Variants in GPC6 observed in about 807,000 individuals in gnomAD.
GPC6 encodes the protein glypican-6.
GPC6 carries 14 observed loss-of-function variants against 55.2 expected under a neutral mutation model. That is an observed-to-expected ratio of 0.25 (90% CI 0.17 to 0.40). GPC6 has a LOEUF of 0.40. Among genes scored for constraint, GPC6 ranks in the 10% least tolerant of loss-of-function variants. GPC6 has a pLI of 1.00. For missense variants in GPC6, 641 were observed against 708.5 expected (o/e 0.90, Z 1.08); for synonymous variants, 278 against 259.6 (o/e 1.07, Z -0.68).
intron 2 of GPC6, among the ~76,000 whole-genome samples, chr13:93,781,539 C>T (rs1387501416): frequency 6.6e-6 from 1 of 152,004 alleles, no homozygotes; most frequent in Admixed American, 6.6e-5. Context: ...CCTAAAAATT[C>T]CCTGTCAGAA....
intron 6 of GPC6, among the ~76,000 whole-genome samples, chr13:94,310,397 T>A (rs1379307162): frequency 6.6e-6 from 1 of 152,254 alleles, no homozygotes; most frequent in Admixed American, 6.5e-5. Flanking sequence ...AATATCCTAC[T>A]GGTCATTCTG....
At chr13:93,446,552 A>G (rs1329462953) in intron 1 of GPC6, among the ~76,000 whole-genome samples, 1 of 152,216 alleles carries the variant, frequency 6.6e-6, no homozygotes, top group African/African-American at 2.4e-5. Flanking sequence ...ATGAAAAAGC[A>G]GCAGAAGTGG....
chr13:93,774,771 A>C (rs1885413128), intron 2 of GPC6, among the ~76,000 whole-genome samples: 1 of 152,194 alleles, frequency 6.6e-6, no homozygotes, highest in African/African-American at 2.4e-5. Context: ...AGACAGGGAA[A>C]GTATCTTCTG....
rs534919242 is a variant in GPC6, at chr13:93,867,542, T to C, written c.711+36997T>C. Among the ~76,000 whole-genome samples, 189 of 151,874 alleles carry C rather than the reference T, an allele frequency of 1.2e-3. 1 individual carries two copies. The highest frequency in any genetic ancestry group is 2.5e-3 in the Non-Finnish European group (170 of 67,816). ...AGCCCTCAGAACCATGTGTGTCCTG[T>C]AATAAGCTCTCAAGAAAGGCTAGTC... is the stretch of plus-strand genomic sequence containing the variant. On this transcript the variant is annotated intron_variant, in intron 3 of 8. Transcript: ENST00000377047.
intron 2 of GPC6, among the ~76,000 whole-genome samples, chr13:93,638,158 G>A (rs1879773020): frequency 6.6e-6 from 1 of 152,054 alleles, no homozygotes; most frequent in Non-Finnish European, 1.5e-5. Flanking sequence ...TTATGAGAAT[G>A]TTCTTATCAC....
intron 3 of GPC6, among the ~76,000 whole-genome samples, chr13:93,856,942 T>A (rs1249075374): frequency 6.6e-6 from 1 of 151,614 alleles, no homozygotes; most frequent in Non-Finnish European, 1.5e-5. Flanking sequence ...AAAATAGCAG[T>A]AACTACCTTT....
intron 6 of GPC6, among the ~76,000 whole-genome samples, chr13:94,377,774 T>G (rs1879955367): frequency 6.6e-6 from 1 of 152,194 alleles, no homozygotes; most frequent in South Asian, 2.1e-4. Flanking sequence ...TTATTCACAA[T>G]AGCAAAGACT....
chr13:93,738,446 G>A (rs928416694), intron 2 of GPC6, among the ~76,000 whole-genome samples: 1 of 152,016 alleles, frequency 6.6e-6, no homozygotes, highest in Non-Finnish European at 1.5e-5. Flanking sequence ...GTTTCCCATA[G>A]CTTCTAAGCC....
chr13:94,290,358 C>G (rs1378074174), intron 5 of GPC6, among the ~76,000 whole-genome samples: 1 of 146,542 alleles, frequency 6.8e-6, no homozygotes, highest in African/African-American at 2.5e-5. Flanking sequence ...GAGGTCGAGG[C>G]TACAGTGAGC....
At chr13:93,443,943 A>G (rs1436717840) in intron 1 of GPC6, among the ~76,000 whole-genome samples, 1 of 152,220 alleles carries the variant, frequency 6.6e-6, no homozygotes, top group Non-Finnish European at 1.5e-5. Context: ...AATAGAAATC[A>G]TTTAGAATAG....
At chr13:94,003,244 G>A (rs1881882898) in intron 3 of GPC6, among the ~76,000 whole-genome samples, 1 of 152,192 alleles carries the variant, frequency 6.6e-6, no homozygotes, top group Admixed American at 6.5e-5. Context: ...GTGTATTTAA[G>A]CAGAAACTTA....
At chr13:94,281,829 C>A (rs1252853419) in intron 4 of GPC6, among the ~76,000 whole-genome samples, 2 of 152,192 alleles carry the variant, frequency 1.3e-5, no homozygotes, top group African/African-American at 4.8e-5. Context: ...TCACCTGAAG[C>A]TAGCTGGTGT....
At chr13:93,222,194 G>A (rs750417925), upstream of GPC6, among the ~76,000 whole-genome samples, 19 of 152,058 alleles carry the variant, frequency 1.2e-4, no homozygotes, top group African/African-American at 2.4e-4. Context: ...TATGTTAAAC[G>A]TGTGACATAT....
intron 1 of GPC6, among the ~76,000 whole-genome samples, chr13:93,420,768 A>G (rs1876893352): frequency 6.6e-6 from 1 of 152,152 alleles, no homozygotes; most frequent in Non-Finnish European, 1.5e-5. Flanking sequence ...CTGGAGTCCC[A>G]CCATATGCCA....
At chr13:93,565,078 G>A (rs1298260514) in intron 2 of GPC6, among the ~76,000 whole-genome samples, 1 of 152,050 alleles carries the variant, frequency 6.6e-6, no homozygotes, top group Admixed American at 6.6e-5. Context: ...TAATTTGCCT[G>A]CAAGTCTCTG....
chr13:93,602,823 A>G (rs1487537514), intron 2 of GPC6, among the ~76,000 whole-genome samples: 2 of 152,216 alleles, frequency 1.3e-5, no homozygotes, highest in East Asian at 3.8e-4. Context: ...ACTACATGTC[A>G]AGAAATGAAA....
intron 4 of GPC6, among the ~76,000 whole-genome samples, chr13:94,252,444 G>A (rs563603643): frequency 2.0e-5 from 3 of 152,198 alleles, no homozygotes; most frequent in Middle Eastern, 3.4e-3. Context: ...CGCAATAAAA[G>A]GGGATTTTTA....
intron 4 of GPC6, among the ~76,000 whole-genome samples, chr13:94,028,894 G>A (rs1228736304): frequency 3.3e-5 from 5 of 152,158 alleles, no homozygotes; most frequent in African/African-American, 9.7e-5. Context: ...CACAGGCCTT[G>A]AAAGAGTAAA....
At chr13:93,945,457 T>G (rs181442853) in intron 3 of GPC6, among the ~76,000 whole-genome samples, 2 of 152,316 alleles carry the variant, frequency 1.3e-5, no homozygotes, top group Non-Finnish European at 2.9e-5. Context: ...AGCACAGGAA[T>G]GCTCCAATTG....
Sources: allele counts gnomAD v4.1 joint callset (sites outside exome capture counted in the v4.1 genomes callset), GRCh38; gene constraint gnomAD v4.1.1; transcripts MANE v1.5; gene names NCBI Gene and HGNC (gene_info 2026-07-23, HGNC 2026-07-21).